DPH6: variants seen among roughly 807,000 people sequenced by gnomAD.
DPH6 encodes the protein diphthine--ammonia ligase.
Under a neutral mutation model 38.2 loss-of-function variants are expected in DPH6, and 33 were observed. The observed-to-expected ratio is 0.86, with a 90% confidence interval of 0.65 to 1.15. DPH6 has a LOEUF of 1.15. DPH6 is among the 50% of genes most tolerant of loss of function. The pLI, the probability that DPH6 is intolerant of heterozygous loss-of-function variation, is 0.00. For synonymous variants in DPH6, 108 were observed against 103.0 expected (o/e 1.05, Z -0.30); for missense variants, 325 against 320.0 (o/e 1.02, Z -0.12).
intron 3 of DPH6, among the ~76,000 whole-genome samples, chr15:35,315,529 A>T (rs1038057678): frequency 1.3e-5 from 2 of 152,200 alleles, no homozygotes; most frequent in Admixed American, 6.5e-5. Flanking sequence ...TGTCAAAAAG[A>T]CAGGCAGTAG....
chr15:35,310,114 A>T lies in DPH6; in HGVS notation n.200+63407T>A, dbSNP rs150921035. Reference sequence around the variant, plus strand: ...TCCAGACCAATTAAATCAGAATGAAACTCATCCATCAGCACCACTTAATTT... The same window carrying T: ...TCCAGACCAATTAAATCAGAATGAATCTCATCCATCAGCACCACTTAATTT... On this transcript the variant is annotated intron_variant and non_coding_transcript_variant, in intron 3 of 3. Transcript: ENST00000560386. 1.3e-3 allele frequency among the ~76,000 whole-genome samples: 201 copies of T among 152,282 alleles called. 1 individual carries two copies. Among genetic ancestry groups the T allele is most frequent in the African/African-American group, 4.6e-3 (192 of 41,556 alleles).
At chr15:35,379,896 A>G (rs990687036) in intron 7 of DPH6, among the ~76,000 whole-genome samples, 7 of 152,212 alleles carry the variant, frequency 4.6e-5, no homozygotes, top group Non-Finnish European at 1.0e-4. Context: ...GCCAAAGCAT[A>G]TAAAAATGAA....
downstream of DPH6, among the ~76,000 whole-genome samples, chr15:35,368,539 AT>A (rs2052681800): frequency 6.6e-6 from 1 of 152,014 alleles, no homozygotes; most frequent in Non-Finnish European, 1.5e-5. Flanking sequence ...AAGGATTCGA[AT>A]TAGTTGTATC....
At chr15:35,210,946 CTTTTTTTTTT>C in the DPH6 span, among the ~76,000 whole-genome samples, 757 of 61,532 alleles carry the variant, frequency 0.012, 5 homozygotes, top group Non-Finnish European at 0.017. Flanking sequence ...AGATAGATCA[CTTTTTTTTTT>C]TTTTTTTTTT....
At position 35,381,847 on chromosome 15, in the gene DPH6, G is replaced by A; in HGVS notation, c.637C>T (p.Pro213Ser). Residue 213 changes from proline (P) to serine (S), a missense_variant, in exon 7 of 9, where the codon CCT becomes TCT. Physicochemically the swap from Pro to Ser is moderately conservative, Grantham distance 74 (BLOSUM62 -1). Transcript: ENST00000256538. ...ACAATTATTTTCTTCTTAAATAGAGGGCAATCCAAAGTGAAAGTTTCATAC... is the reference window on the plus strand; with the variant it reads ...ACAATTATTTTCTTCTTAAATAGAGAGCAATCCAAAGTGAAAGTTTCATAC... ...GEYETFTLDC[P>S]LFKKKIIVDS... is the part of the protein sequence containing the mutation. 6.2e-7 allele frequency: 1 copy of A among 1,612,798 alleles called. No homozygotes were observed. Among genetic ancestry groups the A allele is most frequent in the East Asian group, 2.2e-5 (1 of 44,780 alleles).
intron 3 of DPH6, among the ~76,000 whole-genome samples, chr15:35,467,606 A>G (rs1033202302): frequency 6.6e-6 from 1 of 152,120 alleles, no homozygotes; most frequent in Non-Finnish European, 1.5e-5. Flanking sequence ...AAACTAAGAC[A>G]CAAGCACATG....
chr15:35,501,032 T>G (rs1273224480), intron 3 of DPH6, among the ~76,000 whole-genome samples: 3 of 152,166 alleles, frequency 2.0e-5, no homozygotes, highest in Admixed American at 6.6e-5. Flanking sequence ...TGAGCCACCG[T>G]GCCCGGCCAA....
At chr15:35,342,479 T>C (rs1173141367) in intron 3 of DPH6, among the ~76,000 whole-genome samples, 1 of 152,198 alleles carries the variant, frequency 6.6e-6, no homozygotes, top group Non-Finnish European at 1.5e-5. Flanking sequence ...TTCTTCTTTC[T>C]CCGTAGGTTG....
At chr15:35,227,821 A>G (rs2051492846) in intron 3 of DPH6, among the ~76,000 whole-genome samples, 1 of 151,772 alleles carries the variant, frequency 6.6e-6, no homozygotes, top group Non-Finnish European at 1.5e-5. Flanking sequence ...GGTATGATGT[A>G]TTTCCATTAC....
intron 3 of DPH6, among the ~76,000 whole-genome samples, chr15:35,359,608 A>C (rs1397143384): frequency 1.3e-5 from 2 of 152,128 alleles, no homozygotes; most frequent in Non-Finnish European, 2.9e-5. Flanking sequence ...GCTCCAGCTA[A>C]AGTCGGAAAC....
chr15:35,149,571 C>T, the DPH6 span, among the ~76,000 whole-genome samples: 1 of 152,188 alleles, frequency 6.6e-6, no homozygotes, highest in Admixed American at 6.5e-5. Flanking sequence ...ACTTACAGAC[C>T]TGACCACCAC....
At chr15:35,196,517 A>G in the DPH6 span, among the ~76,000 whole-genome samples, 6,576 of 152,194 alleles carry the variant, frequency 0.043, 375 homozygotes, top group East Asian at 0.3. Flanking sequence ...GAGATGACAA[A>G]GGCTTGAGCG....
intron 6 of DPH6, among the ~76,000 whole-genome samples, chr15:35,382,152 G>T (rs896875578): frequency 6.6e-6 from 1 of 152,236 alleles, no homozygotes; most frequent in African/African-American, 2.4e-5. Flanking sequence ...ATAACATTAA[G>T]AGGCCAGGCG....
chr15:35,285,872 G>GGTTTTTTTTTTTTT (rs1555391167), intron 3 of DPH6, among the ~76,000 whole-genome samples: 2 of 52,794 alleles, frequency 3.8e-5, no homozygotes, highest in African/African-American at 1.5e-4. Context: ...TTATCTTTGA[G>GGTTTTTTTTTTTTT]TTTTTTTTTT....
At chr15:35,449,402 A>G (rs2053900354) in intron 5 of DPH6, among the ~76,000 whole-genome samples, 1 of 152,128 alleles carries the variant, frequency 6.6e-6, no homozygotes, top group Admixed American at 6.5e-5. Context: ...AAAAGATGGC[A>G]ATAAGGTCAA....
At chr15:35,194,179 C>T in the DPH6 span, among the ~76,000 whole-genome samples, 5 of 152,072 alleles carry the variant, frequency 3.3e-5, no homozygotes, top group African/African-American at 1.2e-4. Flanking sequence ...TTATTTATTT[C>T]CTCCTAAGGT....
intron 6 of DPH6, among the ~76,000 whole-genome samples, chr15:35,392,505 G>A (rs1005245861): frequency 1.3e-5 from 2 of 151,486 alleles, no homozygotes; most frequent in Non-Finnish European, 2.9e-5. Flanking sequence ...TTTTATAAAC[G>A]GTATTCTTAA....
intron 3 of DPH6, among the ~76,000 whole-genome samples, chr15:35,350,902 T>C (rs1478588672): frequency 6.6e-6 from 1 of 152,200 alleles, no homozygotes; most frequent in Non-Finnish European, 1.5e-5. Flanking sequence ...TGTATTCTGC[T>C]GTTGTTGGGT....
chr15:35,542,300 T>A (rs992909089), intron 2 of DPH6, 113 bp downstream of exon 2: 12 of 848,266 alleles, frequency 1.4e-5, no homozygotes, highest in Non-Finnish European at 2.2e-5. Flanking sequence ...AATGGGTGCT[T>A]AATATTTATT....
Sources: gnomAD v4.1 joint callset for allele counts (sites outside exome capture counted in the v4.1 genomes callset) on GRCh38, gnomAD v4.1.1 for gene constraint, MANE v1.5 for transcripts, NCBI Gene and HGNC (gene_info 2026-07-23, HGNC 2026-07-21) for gene names.